The following CTNNAL1 variants were observed in gnomAD, a reference collection of about 807,000 sequenced individuals.
CTNNAL1 encodes catenin alpha like 1.
CTNNAL1 carries 69 observed loss-of-function variants against 93.6 expected under a neutral mutation model. The ratio of observed to expected loss-of-function variants is 0.74; its 90% CI spans 0.61 to 0.90. The LOEUF (loss-of-function observed/expected upper bound fraction) is 0.90, where lower values mean the gene tolerates loss of function less well. CTNNAL1 is among the 40% of genes least tolerant of loss of function. The pLI is 0.00. For synonymous variants in CTNNAL1, 286 were observed against 305.4 expected, an observed-to-expected ratio of 0.94 and a Z score of 0.66; for missense variants, 836 against 862.0, an observed-to-expected ratio of 0.97 and a Z score of 0.38.
intron 15 of CTNNAL1, among the ~76,000 whole-genome samples, chr9:108,945,649 T>TG (rs1472488308): frequency 2.0e-5 from 3 of 150,482 alleles, no homozygotes; most frequent in African/African-American, 7.4e-5. Flanking sequence ...TTTTGTTTTG[T>TG]TTTTTTGTAG....
At chr9:108,972,862 G>GCCCCCCCC in intron 8 of CTNNAL1, 29 bp from the exon 9 acceptor site, 1 of 320,480 alleles carries the variant, frequency 3.1e-6, no homozygotes, top group Non-Finnish European at 5.4e-6. Flanking sequence ...GTGGGGGGGT[G>GCCCCCCCC]GGAGGGTGGA....
Position 108,942,587 on chromosome 9 carries a change from CA to C in CTNNAL1, c.*181del, listed in dbSNP as rs1196342107. 3.9e-5 allele frequency: 22 copies of C among 565,712 alleles called. No homozygotes were observed. The highest frequency in any genetic ancestry group is 6.5e-5 in the Non-Finnish European group (21 of 321,846). 35.0% of individuals were successfully genotyped at this position (565,712 alleles called of 1,614,324 possible). ...ACTACAATTAGAATCTAGCAATTAC[CA>C]AGACATTTATTAGTTGTCAAAAAGC... On this transcript the variant is annotated 3_prime_UTR_variant, in exon 19 of 19. Coordinates refer to ENST00000325551, the MANE Select transcript of CTNNAL1 (RefSeq NM_003798.4).
chr9:109,000,789 G>A (rs1826785841), intron 1 of CTNNAL1, among the ~76,000 whole-genome samples: 2 of 151,904 alleles, frequency 1.3e-5, no homozygotes, highest in South Asian at 4.1e-4. Flanking sequence ...ATAGTGGGTC[G>A]GGGGCAAGTT....
intron 9 of CTNNAL1, among the ~76,000 whole-genome samples, chr9:108,972,372 T>C (rs1222894104): frequency 1.3e-5 from 2 of 152,174 alleles, no homozygotes; most frequent in Non-Finnish European, 2.9e-5. Context: ...CCCTGACAGA[T>C]TCAAACAGAA....
At chr9:109,009,096 A>G (rs1223954409) in intron 1 of CTNNAL1, among the ~76,000 whole-genome samples, 2 of 151,700 alleles carry the variant, frequency 1.3e-5, no homozygotes, top group Non-Finnish European at 2.9e-5. Context: ...GGGTTTCACC[A>G]TGTTGCCCAG....
chr9:108,995,622 C>G (rs1831986599), intron 2 of CTNNAL1, among the ~76,000 whole-genome samples: 1 of 152,078 alleles, frequency 6.6e-6, no homozygotes, highest in African/African-American at 2.4e-5. Context: ...TAGGAAAACC[C>G]AAGGTCAATC....
At chr9:109,010,062 G>A (rs1034103762) in intron 1 of CTNNAL1, among the ~76,000 whole-genome samples, 2 of 151,496 alleles carry the variant, frequency 1.3e-5, no homozygotes, top group South Asian at 2.1e-4. Flanking sequence ...GGTCCTTGTT[G>A]GCCAGGCTGG....
At position 108,972,850 on chromosome 9, in the gene CTNNAL1, G is replaced by C. The variant is rs760564053; in HGVS notation, c.1189-17C>G. 2 of 1,411,482 alleles carry C rather than the reference G, an allele frequency of 1.4e-6. No homozygotes were observed. The highest frequency in any genetic ancestry group is 1.9e-6 in the Non-Finnish European group (2 of 1,073,522). The allele number at this position is 1,411,482 out of a possible 1,614,324, so 87.4% of individuals were successfully genotyped here. A position where few individuals can be genotyped will look rare whatever the true frequency, so the allele number is the denominator to read the frequency against. ...ACTATGAAGCTGCAGATGTGTGTGT[G>C]GGTGGGGGGGTGGGAGGGTGGAGAA... On this transcript the variant is annotated splice_polypyrimidine_tract_variant and intron_variant, in intron 8 of 18. Transcript: ENST00000325551.
intron 11 of CTNNAL1, among the ~76,000 whole-genome samples, chr9:108,959,226 G>A (rs1220035139): frequency 4.0e-5 from 6 of 151,612 alleles, no homozygotes; most frequent in Admixed American, 6.6e-5. Flanking sequence ...TTAGCCGGGT[G>A]TGGTGGTGGG....
chr9:108,972,462 A>C (rs1044351996), intron 9 of CTNNAL1, among the ~76,000 whole-genome samples: 3 of 152,200 alleles, frequency 2.0e-5, no homozygotes, highest in African/African-American at 7.2e-5. Flanking sequence ...AAGATTAAGA[A>C]GTTCATTTGT....
At chr9:108,972,653 C>T (rs1369872998) in intron 9 of CTNNAL1, 22 bp downstream of exon 9, 2 of 1,592,132 alleles carry the variant, frequency 1.3e-6, no homozygotes, top group African/African-American at 1.4e-5. Flanking sequence ...ACTACAATTT[C>T]TTTAGCACCT....
chr9:108,961,850 C>A (rs984826612), intron 11 of CTNNAL1, among the ~76,000 whole-genome samples: 1 of 152,156 alleles, frequency 6.6e-6, no homozygotes, highest in Non-Finnish European at 1.5e-5. Context: ...AGTGGACCAA[C>A]CAAAACAAGA....
rs555078748 is a variant in CTNNAL1 at position 108,990,615 on chromosome 9, A to G, written c.639+111T>C. On this transcript the variant is annotated intron_variant, in intron 4 of 18. Transcript: ENST00000325551. ...ATGAAAGGCTTTCAAGACCAAGGCTATAGACTTAATAAGCAAAGAAACCAG... is the reference window on the plus strand; with the variant it reads ...ATGAAAGGCTTTCAAGACCAAGGCTGTAGACTTAATAAGCAAAGAAACCAG... 3.0e-6 allele frequency: 4 copies of G among 1,337,258 alleles called. No individual in the cohort carries two copies. The East Asian group carries it at 1.0e-4, about 34-fold the overall frequency. 82.8% of individuals were successfully genotyped at this position (1,337,258 alleles called of 1,614,324 possible). A position where few individuals can be genotyped will look rare whatever the true frequency, so the allele number is the denominator to read the frequency against.
At chr9:108,989,931 G>T (rs1217108143) in intron 4 of CTNNAL1, among the ~76,000 whole-genome samples, 1 of 151,978 alleles carries the variant, frequency 6.6e-6, no homozygotes, top group Non-Finnish European at 1.5e-5. Context: ...CATGCCTGTA[G>T]TCCCAGCTAC....
chr9:108,999,030 G>A, intron 2 of CTNNAL1, 37 bp downstream of exon 2: 1 of 1,537,274 alleles, frequency 6.5e-7, no homozygotes, highest in Non-Finnish European at 8.7e-7. Flanking sequence ...AGCAATAAAA[G>A]TGGTATGAAT....
chr9:108,964,623 GGAAA>G (rs1177206984), intron 11 of CTNNAL1, among the ~76,000 whole-genome samples: 9 of 152,022 alleles, frequency 5.9e-5, no homozygotes, highest in African/African-American at 2.2e-4. Context: ...TAGTCATCAA[GGAAA>G]GAGATTCCAT....
intron 8 of CTNNAL1, 35 bp from the exon 9 acceptor site, chr9:108,972,868 G>GCCCCTGGGT: frequency 9.2e-7 from 1 of 1,092,792 alleles, no homozygotes; most frequent in Non-Finnish European, 1.2e-6. Context: ...GGGTGGGAGG[G>GCCCCTGGGT]TGGAGAAGGA....
intron 3 of CTNNAL1, chr9:108,992,165 A>G (rs1587980163): frequency 7.7e-6 from 5 of 646,642 alleles, no homozygotes; most frequent in African/African-American, 1.8e-5. Context: ...TTTCTTTCCA[A>G]ATGTTGTACA....
At chr9:108,993,788 C>T (rs1262207008) in intron 2 of CTNNAL1, among the ~76,000 whole-genome samples, 1 of 152,116 alleles carries the variant, frequency 6.6e-6, no homozygotes, top group African/African-American at 2.4e-5. Context: ...ACCTGTGTGC[C>T]TAATGGATTG....
Sources: allele counts gnomAD v4.1 joint callset (sites outside exome capture counted in the v4.1 genomes callset), GRCh38; gene constraint gnomAD v4.1.1; transcripts MANE v1.5; gene names NCBI Gene and HGNC (gene_info 2026-07-23, HGNC 2026-07-21).